Variants in KIRREL3 observed in about 807,000 individuals in gnomAD.
KIRREL3 encodes kin of IRRE-like protein 3.
In KIRREL3, 36 loss-of-function variants were observed where a neutral mutation model predicts 89.7. The observed-to-expected ratio is 0.40, with a 90% confidence interval of 0.31 to 0.53. The LOEUF (loss-of-function observed/expected upper bound fraction) is 0.53. KIRREL3 is among the 20% of genes least tolerant of loss of function. The pLI is 0.49. For synonymous variants in KIRREL3, 445 were observed against 441.4 expected, an observed-to-expected ratio of 1.01 and a Z score of -0.10; for missense variants, 864 against 1,056.6, an observed-to-expected ratio of 0.82 and a Z score of 2.53.
chr11:126,672,255 T>G (rs1945985570), intron 1 of KIRREL3, among the ~76,000 whole-genome samples: 1 of 152,174 alleles, frequency 6.6e-6, no homozygotes, highest in South Asian at 2.1e-4. Context: ...CTTGATTATA[T>G]GAGACTAGTG....
In KIRREL3 at chr11:126,912,324, G is replaced by A. The variant is rs1946858201; in HGVS notation, c.55+88131C>T. 6.6e-6 allele frequency among the ~76,000 whole-genome samples: 1 copy of A among 152,116 alleles called. No individual in the cohort carries two copies. The highest frequency in any genetic ancestry group is 1.5e-5 in the Non-Finnish European group (1 of 68,024). Reference sequence around the variant, plus strand: ...CAGGTGCTGCCCACATGTGCCCTGGGCTGGTCCTCCCTCAGCTCCCTCTCC... The same window carrying A: ...CAGGTGCTGCCCACATGTGCCCTGGACTGGTCCTCCCTCAGCTCCCTCTCC... On this transcript the variant is annotated intron_variant, in intron 1 of 16. Transcript: ENST00000525144. This position sits in a 1 kb window ranked among gnomAD's most constrained non-coding sequence, Gnocchi z 4.7.
chr11:126,992,668 G>A (rs557920200), intron 1 of KIRREL3: 1 of 152,300 alleles, frequency 6.6e-6, no homozygotes, highest in East Asian at 1.9e-4. Flanking sequence ...GTATAACTTA[G>A]CTTCCTCTTG....
intron 4 of KIRREL3, among the ~76,000 whole-genome samples, chr11:126,499,191 G>A (rs1177731304): frequency 6.7e-6 from 1 of 150,198 alleles, no homozygotes; most frequent in African/African-American, 2.4e-5. Context: ...CAGGCAGCAT[G>A]GGATATTTCT....
rs116081662 is a variant in KIRREL3, at chr11:126,761,594, G to A, written c.56-198682C>T. Among the ~76,000 whole-genome samples the A allele has an allele frequency of 6.8e-3, 1,036 of 152,334 alleles. 12 individuals carry two copies. The highest frequency in any genetic ancestry group is 0.023 in the African/African-American group (973 of 41,568). ...AGCTAAATGCATGCCTAACTCAAAGGACAGATTATATGGTTACACTGTTAT... is the reference window on the plus strand; with the variant it reads ...AGCTAAATGCATGCCTAACTCAAAGAACAGATTATATGGTTACACTGTTAT... On this transcript the variant is annotated intron_variant, in intron 1 of 16. Coordinates refer to ENST00000525144, the MANE Select transcript of KIRREL3 (RefSeq NM_032531.4). The surrounding 1 kb of genome is among the most constrained non-coding windows in gnomAD (Gnocchi z 4.4).
chr11:126,837,160 G>C lies in KIRREL3; in HGVS notation c.55+163295C>G, dbSNP rs902211032. Among the ~76,000 whole-genome samples, 1 of 152,156 alleles carries C rather than the reference G, an allele frequency of 6.6e-6. No homozygotes were observed. Among genetic ancestry groups the C allele is most frequent in the Non-Finnish European group, 1.5e-5 (1 of 68,028 alleles). On this transcript the variant is annotated intron_variant, in intron 1 of 16. Transcript: ENST00000525144. The surrounding 1 kb of genome is among the most constrained non-coding windows in gnomAD (Gnocchi z 4.7). ...CAAATCCAAGCTTGGTCTTTAACAA[G>C]TGTGTGGCCTTGGGTAAATGATAAC...
intron 4 of KIRREL3, among the ~76,000 whole-genome samples, chr11:126,504,813 A>T (rs1329413610): frequency 6.6e-6 from 1 of 152,236 alleles, no homozygotes; most frequent in Non-Finnish European, 1.5e-5. Context: ...CCATGACCAC[A>T]TGGGATTTTT....
intron 1 of KIRREL3, among the ~76,000 whole-genome samples, chr11:126,888,773 C>A (rs910450450): frequency 1.3e-5 from 2 of 152,118 alleles, no homozygotes; most frequent in African/African-American, 4.8e-5. Flanking sequence ...ACAGACCAGG[C>A]CCTAGAGCAG....
At position 126,860,786 on chromosome 11, in the gene KIRREL3, T is replaced by A. The variant is rs1194714078; in HGVS notation, c.55+139669A>T. The stretch of plus-strand genomic sequence containing the variant: ...AGGAGAGAGGCTGAGACTCTTAGAA[T>A]GTCCAAGGAGAGGGCAGAGGTACAA... On this transcript the variant is annotated intron_variant, in intron 1 of 16. Transcript: ENST00000525144. This position sits in a 1 kb window ranked among gnomAD's most constrained non-coding sequence, Gnocchi z 4.6. Among the ~76,000 whole-genome samples the A allele has an allele frequency of 6.6e-6, 1 of 152,168 alleles. No homozygotes were observed. Among genetic ancestry groups the A allele is most frequent in the Non-Finnish European group, 1.5e-5 (1 of 68,034 alleles).
Position 126,734,115 on chromosome 11 carries a change from T to A in KIRREL3, c.56-171203A>T, listed in dbSNP as rs1253568718. Among the ~76,000 whole-genome samples, 2 of 152,166 alleles carry A rather than the reference T, an allele frequency of 1.3e-5. No homozygotes were observed. Among genetic ancestry groups the A allele is most frequent in the Non-Finnish European group, 2.9e-5 (2 of 68,028 alleles). On this transcript the variant is annotated intron_variant, in intron 1 of 16. Transcript: ENST00000525144. The surrounding 1 kb of genome is among the most constrained non-coding windows in gnomAD (Gnocchi z 5.9). ...AGAAGCTGCATTAGAACAAGATCCC[T>A]AGGTGGTTTGTTTGAACACTGGAGT...
At chr11:126,672,890 A>G (rs1323582362) in intron 1 of KIRREL3, among the ~76,000 whole-genome samples, 3 of 152,198 alleles carry the variant, frequency 2.0e-5, no homozygotes, top group African/African-American at 7.2e-5. Context: ...TAGTGTTTCA[A>G]TTGCTTTGCG....
chr11:126,919,692 G>C, intron 1 of KIRREL3, among the ~76,000 whole-genome samples: 1 of 152,186 alleles, frequency 6.6e-6, no homozygotes, highest in East Asian at 1.9e-4. Context: ...AGGTCTTTGT[G>C]GTCTGGGAGA....
Position 126,680,402 on chromosome 11 carries a change from A to ATG in KIRREL3, c.56-117491_56-117490insCA, listed in dbSNP as rs1367548701. Among the ~76,000 whole-genome samples the ATG allele has an allele frequency of 4.9e-3, 738 of 151,132 alleles. 3 individuals carry two copies. The highest frequency in any genetic ancestry group is 0.018 in the African/African-American group (715 of 40,766). ...TCATCAACTCTTCTACTGGAGATAT[A>ATG]TATATATATATATACACATAGCCAG... On this transcript the variant is annotated intron_variant, in intron 1 of 16. Transcript: ENST00000525144.
chr11:126,896,209 A>G lies in KIRREL3; in HGVS notation c.55+104246T>C, dbSNP rs996485515. On this transcript the variant is annotated intron_variant, in intron 1 of 16. Coordinates refer to ENST00000525144, the MANE Select transcript of KIRREL3 (RefSeq NM_032531.4). The surrounding 1 kb of genome is among the most constrained non-coding windows in gnomAD (Gnocchi z 4.1). ...AGTCAGAGAGAAGTCATTCTCCAGGACTCTGTGAGTTCTCTAATCCACTGC... is the reference window on the plus strand; with the variant it reads ...AGTCAGAGAGAAGTCATTCTCCAGGGCTCTGTGAGTTCTCTAATCCACTGC... Among the ~76,000 whole-genome samples, 21 of 152,188 alleles carry G rather than the reference A, an allele frequency of 1.4e-4. No homozygotes were observed. The highest frequency in any genetic ancestry group is 5.1e-4 in the African/African-American group (21 of 41,436).
At position 126,916,035 on chromosome 11, in the gene KIRREL3, G is replaced by A. The variant is rs560006067; in HGVS notation, c.55+84420C>T. ...TGCATAATATTTGTTGAATGAAGGAGTGAATAAAATTCTAATCATATGTAA... is the reference window on the plus strand; with the variant it reads ...TGCATAATATTTGTTGAATGAAGGAATGAATAAAATTCTAATCATATGTAA... On this transcript the variant is annotated intron_variant, in intron 1 of 16. Coordinates refer to ENST00000525144, the MANE Select transcript of KIRREL3 (RefSeq NM_032531.4). Among the ~76,000 whole-genome samples, 4 of 152,300 alleles carry A rather than the reference G, an allele frequency of 2.6e-5. No homozygotes were observed. In the South Asian group the frequency reaches 8.3e-4, roughly 32 times the overall value.
rs1465524374 is a variant in KIRREL3 at position 126,834,051 on chromosome 11, T to C, written c.55+166404A>G. Among the ~76,000 whole-genome samples the C allele has an allele frequency of 2.6e-5, 4 of 152,346 alleles. No individual in the cohort carries two copies. In the South Asian group the frequency reaches 6.2e-4, roughly 24 times the overall value. ...GCTTGGGAGAAAGTTTGTCTTCTATTCATTTAAGATTCTTTTTCTACTTTA... is the reference window on the plus strand; with the variant it reads ...GCTTGGGAGAAAGTTTGTCTTCTATCCATTTAAGATTCTTTTTCTACTTTA... On this transcript the variant is annotated intron_variant, in intron 1 of 16. Coordinates refer to ENST00000525144, the MANE Select transcript of KIRREL3 (RefSeq NM_032531.4).
At chr11:126,865,463 G>A (rs1441321952) in intron 1 of KIRREL3, among the ~76,000 whole-genome samples, 2 of 152,196 alleles carry the variant, frequency 1.3e-5, no homozygotes, top group African/African-American at 2.4e-5. Context: ...CAGCAGACTC[G>A]GGTTATCGAA....
intron 1 of KIRREL3, among the ~76,000 whole-genome samples, chr11:126,799,357 TGTATCTGTGTATCTGTG>T (rs1312925474): frequency 3.2e-3 from 262 of 82,814 alleles, no homozygotes; most frequent in East Asian, 5.4e-3. Flanking sequence ...TATCTCTGTG[TGTATCTGTGTATCTGTG>T]TGTGCATGCG....
rs947481467 is a variant in KIRREL3 at position 126,555,434 on chromosome 11, A to G, written c.133+7401T>C. ...GGATCTGGTTCTACGGGAGCATGTG[A>G]CACAGGAACTGGATCTTGACTGAGG... On this transcript the variant is annotated intron_variant, in intron 2 of 16. Coordinates refer to ENST00000525144, the MANE Select transcript of KIRREL3 (RefSeq NM_032531.4). The surrounding 1 kb of genome is among the most constrained non-coding windows in gnomAD (Gnocchi z 4.2). 6.6e-6 allele frequency among the ~76,000 whole-genome samples: 1 copy of G among 152,232 alleles called. No individual in the cohort carries two copies. Among genetic ancestry groups the G allele is most frequent in the Non-Finnish European group, 1.5e-5 (1 of 68,032 alleles).
rs1339261323 is a variant in KIRREL3, at chr11:126,918,620, C to A, written c.55+81835G>T. ...ACTAAAATGATACATTCTCTGCCTC[C>A]TAGGAGTTTATAATCTAAGAAAGGG... On this transcript the variant is annotated intron_variant, in intron 1 of 16. Transcript: ENST00000525144. This position sits in a 1 kb window ranked among gnomAD's most constrained non-coding sequence, Gnocchi z 6.5. 1.3e-5 allele frequency among the ~76,000 whole-genome samples: 2 copies of A among 152,112 alleles called. No homozygotes were observed. Among genetic ancestry groups the A allele is most frequent in the Non-Finnish European group, 2.9e-5 (2 of 67,976 alleles).
Sources: allele counts gnomAD v4.1 joint callset (sites outside exome capture counted in the v4.1 genomes callset), GRCh38; gene constraint gnomAD v4.1.1; non-coding constraint Gnocchi (gnomAD v3.1); transcripts MANE v1.5; gene names NCBI Gene and HGNC (gene_info 2026-07-23, HGNC 2026-07-21).